Variants in CLEC9A observed in about 807,000 individuals in gnomAD.
CLEC9A encodes the protein C-type lectin domain family 9 member A.
Under a neutral mutation model 30.0 loss-of-function variants are expected in CLEC9A, and 24 were observed. That is an observed-to-expected ratio of 0.80 (90% CI 0.58 to 1.13). The LOEUF (loss-of-function observed/expected upper bound fraction) is 1.13. CLEC9A is among the 50% of genes most tolerant of loss of function. The pLI is 0.00. For synonymous variants in CLEC9A, 111 were observed against 96.8 expected (o/e 1.15, Z -0.86); for missense variants, 251 against 280.9 (o/e 0.89, Z 0.76).
At chr12:10,042,638 T>C (rs1388109198) in intron 2 of CLEC9A, among the ~76,000 whole-genome samples, 1 of 152,182 alleles carries the variant, frequency 6.6e-6, no homozygotes, top group African/African-American at 2.4e-5. Context: ...ACAAATAACA[T>C]ACTATACAGT....
At chr12:10,031,254 T>C (rs1308585162) in intron 1 of CLEC9A, among the ~76,000 whole-genome samples, 2 of 152,166 alleles carry the variant, frequency 1.3e-5, no homozygotes, top group Non-Finnish European at 2.9e-5. Flanking sequence ...GGAAAGACGT[T>C]AAGTGTATTT....
At chr12:10,039,330 A>C (rs1386772082) in intron 1 of CLEC9A, among the ~76,000 whole-genome samples, 1 of 152,214 alleles carries the variant, frequency 6.6e-6, no homozygotes, top group Non-Finnish European at 1.5e-5. Context: ...GTCACTATCC[A>C]ATTGTCCTAT....
In CLEC9A at chr12:10,065,601, G is replaced by A; in HGVS notation, c.695G>A (p.Cys232Tyr). Residue 232 changes from cysteine to tyrosine, a missense_variant, in exon 9 of 9, where the codon TGT becomes TAT. By Grantham distance (194) the Cys-to-Tyr change is radical. Transcript: ENST00000355819. ...TGCAGCACGTGGAAGTATTTTATCT[G>A]TGAGAAGTATGCGTTGAGATCCTCT... ...SNCSTWKYFI[C>Y]EKYALRSSV The A allele has an allele frequency of 6.2e-7, 1 of 1,613,854 alleles. No individual in the cohort carries two copies. Among genetic ancestry groups the A allele is most frequent in the Non-Finnish European group, 8.5e-7 (1 of 1,179,824 alleles).
intron 1 of CLEC9A, among the ~76,000 whole-genome samples, chr12:10,035,074 C>T (rs1468476369): frequency 6.6e-6 from 1 of 152,240 alleles, no homozygotes; most frequent in Admixed American, 6.5e-5. Context: ...GTGGCCCAGG[C>T]TCTCCTCTGA....
At chr12:10,035,856 T>A (rs1400850641) in intron 1 of CLEC9A, among the ~76,000 whole-genome samples, 2 of 152,156 alleles carry the variant, frequency 1.3e-5, no homozygotes, top group African/African-American at 2.4e-5. Context: ...CCTCCCACCT[T>A]AGCCTCCAAA....
At chr12:10,041,714 C>T in intron 2 of CLEC9A, 94 bp downstream of exon 2, 1 of 480,734 alleles carries the variant, frequency 2.1e-6, no homozygotes, top group African/African-American at 2.0e-5. Context: ...TTTTTCTTAA[C>T]ATCTTTCAGT....
intron 5 of CLEC9A, among the ~76,000 whole-genome samples, chr12:10,058,863 T>G (rs753695605): frequency 6.6e-6 from 1 of 152,198 alleles, no homozygotes; most frequent in Non-Finnish European, 1.5e-5. Context: ...TCAGATGATT[T>G]TTCTGTGTGA....
At chr12:10,060,783 G>C in intron 5 of CLEC9A, 2 of 233,580 alleles carry the variant, frequency 8.6e-6, no homozygotes, top group Non-Finnish European at 1.7e-5. Context: ...TAAGGGGAGA[G>C]AGCGAGTTTT....
intron 4 of CLEC9A, chr12:10,052,980 G>C (rs944766191): frequency 1.7e-5 from 8 of 476,814 alleles, no homozygotes; most frequent in Non-Finnish European, 2.4e-5. Flanking sequence ...ATAAACGTGC[G>C]GAACTATTTT....
At chr12:10,044,503 TC>T (rs1433345085) in intron 2 of CLEC9A, among the ~76,000 whole-genome samples, 6 of 152,314 alleles carry the variant, frequency 3.9e-5, no homozygotes, top group African/African-American at 1.4e-4. Flanking sequence ...TTTTTATTCT[TC>T]CAACAAATCA....
intron 5 of CLEC9A, among the ~76,000 whole-genome samples, chr12:10,055,651 G>A (rs1591892334): frequency 1.3e-5 from 2 of 152,052 alleles, no homozygotes; most frequent in African/African-American, 2.4e-5. Context: ...TCAAGTGAAT[G>A]GGATATATAA....
chr12:10,064,843 TCTC>T lies in CLEC9A; in HGVS notation c.586_588del (p.Pro196del). ...GCTTTGGCAAGATGGCTCCTCTCCTTCTCCTGGCCTGTAAGTCTCTGAGTGAAA... is the reference window on the plus strand; with the variant it reads ...GCTTTGGCAAGATGGCTCCTCTCCTTCTGGCCTGTAAGTCTCTGAGTGAAA... On this transcript the variant is annotated inframe_deletion, in exon 8 of 9. Transcript: ENST00000355819. 1 of 1,611,896 alleles carries T rather than the reference TCTC, an allele frequency of 6.2e-7. No individual in the cohort carries two copies. Among genetic ancestry groups the T allele is most frequent in the South Asian group, 1.1e-5 (1 of 90,708 alleles).
intron 4 of CLEC9A, 49 bp downstream of exon 4, chr12:10,052,827 T>C: frequency 6.3e-7 from 1 of 1,594,006 alleles, no homozygotes; most frequent in Non-Finnish European, 8.5e-7. Flanking sequence ...TCATGTTTTT[T>C]TTTTTTTTCT....
At chr12:10,060,255 G>A (rs930785644) in intron 5 of CLEC9A, among the ~76,000 whole-genome samples, 3 of 152,184 alleles carry the variant, frequency 2.0e-5, no homozygotes, top group African/African-American at 7.2e-5. Flanking sequence ...CTGTACATGA[G>A]TGCTTATAGT....
Position 10,061,136 on chromosome 12 carries a change from T to G in CLEC9A, c.182T>G (p.Val61Gly), listed in dbSNP as rs1865992890. 1 of 1,610,066 alleles carries G rather than the reference T, an allele frequency of 6.2e-7. No individual in the cohort carries two copies. The highest frequency in any genetic ancestry group is 1.1e-5 in the South Asian group (1 of 90,138). Residue 61 changes from valine (V) to glycine (G), a missense_variant, in exon 6 of 9, where the codon GTG becomes GGG. Val to Gly is a moderately radical substitution (Grantham distance 109). Transcript: ENST00000355819. ...SIFLGVKLLQ[V>G]STIAMQQQEK... ...TTGCTATCATGTGAAGTGTTGCAGG[T>G]GTCCACCATTGCGATGCAGCAGCAA...
chr12:10,059,943 A>G (rs1865981813), intron 5 of CLEC9A, among the ~76,000 whole-genome samples: 1 of 152,254 alleles, frequency 6.6e-6, no homozygotes, highest in Non-Finnish European at 1.5e-5. Context: ...AATAAGCACA[A>G]GAAAAGATGT....
intron 5 of CLEC9A, among the ~76,000 whole-genome samples, chr12:10,057,700 T>C (rs893410732): frequency 6.6e-6 from 1 of 152,012 alleles, no homozygotes; most frequent in Non-Finnish European, 1.5e-5. Context: ...TATACATACA[T>C]AGAAAAGAGT....
At chr12:10,061,596 T>C (rs1208205748) in intron 6 of CLEC9A, among the ~76,000 whole-genome samples, 1 of 152,220 alleles carries the variant, frequency 6.6e-6, no homozygotes, top group African/African-American at 2.4e-5. Context: ...GTAAGGATGT[T>C]TTAGTTCTAG....
chr12:10,035,463 T>G (rs905354132), intron 1 of CLEC9A, among the ~76,000 whole-genome samples: 5 of 152,184 alleles, frequency 3.3e-5, no homozygotes, highest in Non-Finnish European at 7.3e-5. Context: ...TTGTAGTAAT[T>G]TTAAAGGAAA....
Sources: allele counts gnomAD v4.1 joint callset (sites outside exome capture counted in the v4.1 genomes callset), GRCh38; gene constraint gnomAD v4.1.1; transcripts MANE v1.5; gene names NCBI Gene and HGNC (gene_info 2026-07-23, HGNC 2026-07-21).